Variants in SNX29 observed in about 807,000 individuals in gnomAD.
SNX29 encodes the protein sorting nexin-29.
Under a neutral mutation model 102.1 loss-of-function variants are expected in SNX29, and 78 were observed. The observed-to-expected ratio is 0.76, with a 90% confidence interval of 0.64 to 0.92. The LOEUF is 0.92. Ranked by LOEUF, SNX29 falls within the 40% of genes least tolerant of loss-of-function variation. The pLI is 0.00. For missense variants in SNX29, 1,280 were observed against 1,061.7 expected (o/e 1.21, Z -2.86); for synonymous variants, 580 against 414.5 (o/e 1.40, Z -4.85).
intron 3 of SNX29, among the ~76,000 whole-genome samples, chr16:12,013,840 T>TG (rs35753006): frequency 0.42 from 62,656 of 150,966 alleles, 13,827 homozygotes; most frequent in Non-Finnish European, 0.49. Flanking sequence ...TTAGTAGAGA[T>TG]GGGTTTCACC....
At chr16:12,116,798 A>T (rs1220572629) in intron 11 of SNX29, among the ~76,000 whole-genome samples, 1 of 152,174 alleles carries the variant, frequency 6.6e-6, no homozygotes, top group Non-Finnish European at 1.5e-5. Context: ...ACCTGCTTCA[A>T]CGCGGACGAA....
At chr16:12,300,710 G>A (rs1054362622) in intron 15 of SNX29, among the ~76,000 whole-genome samples, 2 of 152,156 alleles carry the variant, frequency 1.3e-5, no homozygotes, top group Admixed American at 6.5e-5. Context: ...AGCGGCCGTC[G>A]TGACATCTCC....
chr16:12,498,729 CTAAGT>C (rs1383158499), intron 19 of SNX29, among the ~76,000 whole-genome samples: 1 of 152,232 alleles, frequency 6.6e-6, no homozygotes, highest in Non-Finnish European at 1.5e-5. Flanking sequence ...ACATCTGTCT[CTAAGT>C]CAGGTCATAG....
intron 13 of SNX29, among the ~76,000 whole-genome samples, chr16:12,194,654 G>T (rs551092782): frequency 7.0e-6 from 1 of 142,296 alleles, no homozygotes; most frequent in Non-Finnish European, 1.5e-5. Context: ...AGAAGGAATC[G>T]CAGACTCTGT....
intron 20 of SNX29, chr16:12,557,759 G>A (rs561417934): frequency 6.6e-6 from 1 of 152,186 alleles, no homozygotes; most frequent in African/African-American, 2.4e-5. Context: ...ATGTCACTAA[G>A]CAACAGATAT....
chr16:12,407,303 T>C (rs2084205476), intron 18 of SNX29, among the ~76,000 whole-genome samples: 1 of 151,462 alleles, frequency 6.6e-6, no homozygotes, highest in African/African-American at 2.4e-5. Context: ...CTTTGGCAGG[T>C]GACAAGCTTA....
rs531504494 is a variant in SNX29 at position 12,472,724 on chromosome 16, A to G, written c.2038-4995A>G. 9.2e-5 allele frequency among the ~76,000 whole-genome samples: 14 copies of G among 152,110 alleles called. 1 individual carries two copies. In the South Asian group the frequency reaches 2.9e-3, roughly 32 times the overall value. ...TTATCTCTACTAGAGCTTGTTTTGG[A>G]TTCTGTTCATTGACGGACTGAGGTT... On this transcript the variant is annotated intron_variant, in intron 18 of 20. Coordinates refer to ENST00000566228, the MANE Select transcript of SNX29 (RefSeq NM_032167.5).
chr16:12,085,225 C>G (rs1304489934), intron 11 of SNX29, among the ~76,000 whole-genome samples: 1 of 152,178 alleles, frequency 6.6e-6, no homozygotes, highest in Admixed American at 6.5e-5. Flanking sequence ...CTGACAAACC[C>G]TCAAAGCAAA....
At chr16:12,568,417 C>G (rs374924593) in intron 20 of SNX29, 89 bp from the exon 21 acceptor site, 27 of 1,553,090 alleles carry the variant, frequency 1.7e-5, no homozygotes, top group South Asian at 6.0e-5. Flanking sequence ...TCAGATCCCT[C>G]CTGCCCTCAC....
At position 12,125,603 on chromosome 16, in the gene SNX29, CTCTTTTTTTT is replaced by C. The variant is rs1304733458; in HGVS notation, c.1403-1028_1403-1019del. Among the ~76,000 whole-genome samples, 294 of 71,474 alleles carry C rather than the reference CTCTTTTTTTT, an allele frequency of 4.1e-3. 72 individuals carry two copies. The highest frequency in any genetic ancestry group is 0.016 in the Middle Eastern group (2 of 126). 46.9% of individuals were successfully genotyped at this position (71,474 alleles called of 152,430 possible). ...CAAGGGGGGCTTGTGGCTGAGATCT[CTCTTTTTTTT>C]TTTTTTTTTTTTTTTTTTTTTTTTT... On this transcript the variant is annotated intron_variant, in intron 11 of 20. Transcript: ENST00000566228.
intron 20 of SNX29, among the ~76,000 whole-genome samples, chr16:12,563,578 T>C (rs187755829): frequency 9.0e-4 from 135 of 150,762 alleles, no homozygotes; most frequent in African/African-American, 3.2e-3. Flanking sequence ...CTTTGGGTGG[T>C]GGCTTAGGCC....
intron 19 of SNX29, chr16:12,515,609 C>T (rs558803329): frequency 1.4e-5 from 7 of 488,220 alleles, no homozygotes; most frequent in Admixed American, 6.9e-5. Flanking sequence ...TCCGAAGTCA[C>T]CTCCTCCCAG....
rs372382102 is a variant in SNX29 at position 12,070,622 on chromosome 16, G to A, written c.1319+1490G>A. ...TTCCAAGTCTTTGCTATTGTGAATA[G>A]TGCCACAATAAACATATGTGTGCAT... On this transcript the variant is annotated intron_variant, in intron 10 of 20. Transcript: ENST00000566228. 5.3e-5 allele frequency among the ~76,000 whole-genome samples: 8 copies of A among 151,704 alleles called. No individual in the cohort carries two copies. The South Asian group carries it at 1.0e-3, about 20-fold the overall frequency.
Position 12,098,418 on chromosome 16 carries a change from G to T in SNX29, c.1402+19503G>T, listed in dbSNP as rs142181686. Among the ~76,000 whole-genome samples the T allele has an allele frequency of 6.8e-4, 103 of 152,272 alleles. 1 individual carries two copies. Among genetic ancestry groups the T allele is most frequent in the African/African-American group, 2.3e-3 (97 of 41,546 alleles). On this transcript the variant is annotated intron_variant, in intron 11 of 20. Transcript: ENST00000566228. The surrounding 1 kb of genome is among the most constrained non-coding windows in gnomAD (Gnocchi z 6.0). Reference sequence around the variant, plus strand: ...CCTTCTGGAAGAACGTCGCTGCCCAGTTGAATAGGGGGTTGGGCATACTGG... The same window carrying T: ...CCTTCTGGAAGAACGTCGCTGCCCATTTGAATAGGGGGTTGGGCATACTGG...
intron 11 of SNX29, among the ~76,000 whole-genome samples, chr16:12,083,044 C>T (rs2051987949): frequency 1.3e-5 from 2 of 152,080 alleles, no homozygotes; most frequent in African/African-American, 4.8e-5. Flanking sequence ...TGGCTCATGC[C>T]TGTAATCCTA....
At chr16:12,172,559 C>T (rs938353724) in intron 13 of SNX29, among the ~76,000 whole-genome samples, 2 of 152,136 alleles carry the variant, frequency 1.3e-5, no homozygotes. Context: ...GTGTTCTCAT[C>T]TATAAAATGG....
intron 16 of SNX29, among the ~76,000 whole-genome samples, chr16:12,371,509 T>C (rs1189170182): frequency 6.6e-6 from 1 of 152,236 alleles, no homozygotes; most frequent in Non-Finnish European, 1.5e-5. Flanking sequence ...GGTCTTTCTA[T>C]GTTGCCCATA....
At chr16:12,265,888 T>G (rs2078914189) in intron 14 of SNX29, among the ~76,000 whole-genome samples, 1 of 151,984 alleles carries the variant, frequency 6.6e-6, no homozygotes, top group African/African-American at 2.4e-5. Flanking sequence ...ACACCCTGTC[T>G]CAAAAAAAGA....
intron 19 of SNX29, among the ~76,000 whole-genome samples, chr16:12,496,338 G>T (rs2088820920): frequency 1.3e-5 from 2 of 151,998 alleles, no homozygotes; most frequent in South Asian, 4.1e-4. Context: ...CATGCCTGCA[G>T]CTCAGGGTAC....
Sources: allele counts gnomAD v4.1 joint callset (sites outside exome capture counted in the v4.1 genomes callset), GRCh38; gene constraint gnomAD v4.1.1; non-coding constraint Gnocchi (gnomAD v3.1); transcripts MANE v1.5; gene names NCBI Gene and HGNC (gene_info 2026-07-23, HGNC 2026-07-21).